MAP1LC3B: variants seen among roughly 807,000 people sequenced by gnomAD.
MAP1LC3B encodes microtubule associated protein 1 light chain 3 beta, also known as microtubule-associated protein 1 light chain 3 beta.
A neutral mutation model predicts 16.7 loss-of-function variants in MAP1LC3B; 12 were observed. The observed-to-expected ratio is 0.72, with a 90% CI of 0.46 to 1.16. The LOEUF is 1.16. MAP1LC3B is among the 50% of genes most tolerant of loss of function. The pLI, the probability that MAP1LC3B is intolerant of heterozygous loss-of-function variation, is 0.00. For synonymous variants in MAP1LC3B, 63 were observed against 56.5 expected, an observed-to-expected ratio of 1.11 and a Z score of -0.51; for missense variants, 155 against 159.5, an observed-to-expected ratio of 0.97 and a Z score of 0.15.
At position 87,392,433 on chromosome 16, in the gene MAP1LC3B, G is replaced by A. The variant is rs1277703500; in HGVS notation, c.6G>A (p.Pro2=). Residue 2 remains proline (P), a synonymous_variant, in exon 1 of 4, where the codon CCG becomes CCA. Transcript: ENST00000268607. The part of the protein sequence containing the change: M[P]SEKTFKQRRT... Reference sequence around the variant, plus strand: ...GCCGCCCAGATCCCTGCACCATGCCGTCGGAGAAGACCTTCAAGCAGCGCC... The same window carrying A: ...GCCGCCCAGATCCCTGCACCATGCCATCGGAGAAGACCTTCAAGCAGCGCC... 1 of 1,420,188 alleles carries A rather than the reference G, an allele frequency of 7.0e-7. No homozygotes were observed. The highest frequency in any genetic ancestry group is 1.4e-5 in the South Asian group (1 of 68,966). The allele number at this position is 1,420,188 out of a possible 1,614,324, so 88.0% of individuals were successfully genotyped here.
At chr16:87,402,373 A>AAG (rs1392472622) in intron 3 of MAP1LC3B, 92 bp downstream of exon 3, 138 of 1,191,988 alleles carry the variant, frequency 1.2e-4, no homozygotes, top group Non-Finnish European at 1.5e-4. Context: ...TTCTGGTTAA[A>AAG]ATCTTTAAAA....
intron 1 of MAP1LC3B, among the ~76,000 whole-genome samples, chr16:87,396,330 C>T (rs1455990583): frequency 6.6e-6 from 1 of 151,710 alleles, no homozygotes; most frequent in East Asian, 2.0e-4. Flanking sequence ...AAAAAATTAG[C>T]CGGGCGTGGT....
At position 87,404,132 on chromosome 16, in the gene MAP1LC3B, AC is replaced by A; in HGVS notation, c.*1036del. 1 of 152,322 alleles carries A rather than the reference AC, an allele frequency of 6.6e-6. No individual in the cohort carries two copies. The highest frequency in any genetic ancestry group is 1.9e-4 in the East Asian group (1 of 5,192). 9.4% of individuals were successfully genotyped at this position (152,322 alleles called of 1,614,324 possible). ...GTCAGACAGCCATCAGAATTCTCCC[AC>A]ACCAAGTGCATGTCAGTTGTGGAGA... On this transcript the variant is annotated 3_prime_UTR_variant, in exon 4 of 4. Coordinates refer to ENST00000268607, the MANE Select transcript of MAP1LC3B (RefSeq NM_022818.5).
intron 1 of MAP1LC3B, 87 bp downstream of exon 1, chr16:87,392,554 C>G (rs1389565308): frequency 8.6e-7 from 1 of 1,157,422 alleles, no homozygotes; most frequent in African/African-American, 1.6e-5. Context: ...CGTGAGGGGT[C>G]GGGGCCGAGC....
Position 87,392,850 on chromosome 16 carries a change from G to T in MAP1LC3B, c.40+383G>T, listed in dbSNP as rs111536551. 1,008 of 152,054 alleles carry T rather than the reference G, an allele frequency of 6.6e-3. 10 individuals carry two copies. Among genetic ancestry groups the T allele is most frequent in the Middle Eastern group, 0.01 (3 of 292 alleles). The allele number at this position is 152,054 out of a possible 1,614,324, so 9.4% of individuals were successfully genotyped here. A position where few individuals can be genotyped will look rare whatever the true frequency, so the allele number is the denominator to read the frequency against. On this transcript the variant is annotated intron_variant, in intron 1 of 3. Coordinates refer to ENST00000268607, the MANE Select transcript of MAP1LC3B (RefSeq NM_022818.5). ...CCGCCCCCGCAAGCGCGCTGCGGGCGAGGGTCGCGCTTCTGGGGCCCAACA... is the reference window on the plus strand; with the variant it reads ...CCGCCCCCGCAAGCGCGCTGCGGGCTAGGGTCGCGCTTCTGGGGCCCAACA...
intron 1 of MAP1LC3B, 101 bp downstream of exon 1, chr16:87,392,568 G>A: frequency 9.0e-7 from 1 of 1,115,880 alleles, no homozygotes; most frequent in Non-Finnish European, 1.1e-6. Context: ...GCCGAGCCGG[G>A]AGGCCGAGCG....
intron 1 of MAP1LC3B, among the ~76,000 whole-genome samples, chr16:87,397,686 T>C (rs1413532763): frequency 6.6e-6 from 1 of 152,210 alleles, no homozygotes; most frequent in Non-Finnish European, 1.5e-5. Context: ...AGTAACGTCA[T>C]ATTTATGTAG....
chr16:87,401,783 C>G (rs1908001524), intron 2 of MAP1LC3B, among the ~76,000 whole-genome samples: 1 of 151,778 alleles, frequency 6.6e-6, no homozygotes, highest in South Asian at 2.1e-4. Context: ...GCTGGCCTCA[C>G]CCTCCCAAAG....
Position 87,403,057 on chromosome 16 carries a change from A to G in MAP1LC3B, c.338A>G (p.Tyr113Cys), listed in dbSNP as rs200708875. The G allele has an allele frequency of 8.7e-6, 14 of 1,613,922 alleles. No homozygotes were observed. The highest frequency in any genetic ancestry group is 2.2e-5 in the East Asian group (1 of 44,890). ...GAAGATGGATTCCTGTACATGGTCT[A>G]TGCCTCCCAGGAGACGTTCGGGATG... The part of the protein sequence containing the change: ...KDEDGFLYMV[Y>C]ASQETFGMKL... Residue 113 changes from tyrosine to cysteine, a missense_variant, in exon 4 of 4, where the codon TAT (tyrosine) becomes TGT (cysteine). By Grantham distance (194) the Tyr-to-Cys change is radical. Transcript: ENST00000268607.
In MAP1LC3B at chr16:87,392,405, G is replaced by C; in HGVS notation, c.-23G>C. On this transcript the variant is annotated 5_prime_UTR_variant, in exon 1 of 4. Coordinates refer to ENST00000268607, the MANE Select transcript of MAP1LC3B (RefSeq NM_022818.5). ...CCGGGACCCTCGCGTCGTCGCCGCCGCCGCCGCCCAGATCCCTGCACCATG... is the reference window on the plus strand; with the variant it reads ...CCGGGACCCTCGCGTCGTCGCCGCCCCCGCCGCCCAGATCCCTGCACCATG... 6.3e-6 allele frequency: 9 copies of C among 1,422,262 alleles called. No individual in the cohort carries two copies. In the Middle Eastern group the frequency reaches 1.2e-3, roughly 197 times the overall value. 88.1% of individuals were successfully genotyped at this position (1,422,262 alleles called of 1,614,324 possible).
chr16:87,400,906 G>A (rs949277041), intron 2 of MAP1LC3B, among the ~76,000 whole-genome samples: 4 of 151,844 alleles, frequency 2.6e-5, no homozygotes, highest in Admixed American at 2.0e-4. Flanking sequence ...AGGCCGAGGC[G>A]GGTGGATCAC....
intron 2 of MAP1LC3B, among the ~76,000 whole-genome samples, chr16:87,401,902 G>A (rs1022105031): frequency 1.3e-5 from 2 of 151,358 alleles, no homozygotes; most frequent in Admixed American, 6.6e-5. Context: ...GCGCGATCTC[G>A]GCTCACTGCA....
At chr16:87,395,387 A>AGCTGG (rs1907762812) in intron 1 of MAP1LC3B, among the ~76,000 whole-genome samples, 1 of 152,200 alleles carries the variant, frequency 6.6e-6, no homozygotes. Flanking sequence ...ATTGGACTGG[A>AGCTGG]GCTGGGTCCT....
chr16:87,394,406 C>T (rs113137978), intron 1 of MAP1LC3B, among the ~76,000 whole-genome samples: 1,531 of 152,260 alleles, frequency 0.01, 15 homozygotes, highest in Non-Finnish European at 0.016. Context: ...CTTTATGGAG[C>T]CTAAGATAAG....
Position 87,392,347 on chromosome 16 carries a change from C to A in MAP1LC3B, c.-81C>A, listed in dbSNP as rs940918206. 4 of 1,323,416 alleles carry A rather than the reference C, an allele frequency of 3.0e-6. No individual in the cohort carries two copies. In the South Asian group the frequency reaches 5.1e-5, roughly 17 times the overall value. 82.0% of individuals were successfully genotyped at this position (1,323,416 alleles called of 1,614,324 possible). ...AAGTGGCTATCGCCAGAGTCGGATTCGCCGCCGCAGCAGCCGCCGCCCCCG... is the reference window on the plus strand; with the variant it reads ...AAGTGGCTATCGCCAGAGTCGGATTAGCCGCCGCAGCAGCCGCCGCCCCCG... On this transcript the variant is annotated 5_prime_UTR_variant, in exon 1 of 4. Transcript: ENST00000268607.
chr16:87,402,822 C>T lies in MAP1LC3B; in HGVS notation c.204-101C>T, dbSNP rs150817187. ...GTATTGGATTCAAGAGCATTTAGAA[C>T]ATTTTTATATTTTACCGATCAGAGT... On this transcript the variant is annotated intron_variant, in intron 3 of 3. Transcript: ENST00000268607. 712 of 1,381,396 alleles carry T rather than the reference C, an allele frequency of 5.2e-4. 2 individuals are homozygous for T. The African/African-American group carries it at 9.1e-3, about 18-fold the overall frequency. The allele number at this position is 1,381,396 out of a possible 1,614,324, so 85.6% of individuals were successfully genotyped here.
intron 1 of MAP1LC3B, among the ~76,000 whole-genome samples, chr16:87,396,137 G>A (rs958233092): frequency 5.9e-5 from 9 of 151,330 alleles, no homozygotes; most frequent in African/African-American, 1.2e-4. Context: ...CTGGGTTTAC[G>A]AGCGTGAGCC....
At chr16:87,394,681 A>C (rs761537394) in intron 1 of MAP1LC3B, among the ~76,000 whole-genome samples, 2 of 152,224 alleles carry the variant, frequency 1.3e-5, no homozygotes, top group African/African-American at 2.4e-5. Flanking sequence ...TCCAGTAGGT[A>C]GCCATCATTT....
chr16:87,398,792 T>C, intron 1 of MAP1LC3B, 23 bp from the exon 2 acceptor site: 1 of 1,613,236 alleles, frequency 6.2e-7, no homozygotes, highest in South Asian at 1.1e-5. Context: ...TAGTAATGCT[T>C]CTGTCTCTTC....
Sources: gnomAD v4.1 joint callset for allele counts (sites outside exome capture counted in the v4.1 genomes callset) on GRCh38, gnomAD v4.1.1 for gene constraint, MANE v1.5 for transcripts, NCBI Gene and HGNC (gene_info 2026-07-23, HGNC 2026-07-21) for gene names.